Variants in MED27 observed in about 807,000 individuals in gnomAD.
MED27 encodes mediator complex subunit 27, also known as mediator of RNA polymerase II transcription subunit 27.
In MED27, 30 loss-of-function variants were observed where a neutral mutation model predicts 38.2. The observed-to-expected ratio is 0.79, with a 90% CI of 0.59 to 1.07. The LOEUF is 1.07. Ranked by LOEUF, MED27 falls within the 50% of genes least tolerant of loss-of-function variation. The pLI is 0.00. For missense variants in MED27, 289 were observed against 397.5 expected (o/e 0.73, Z 2.32); for synonymous variants, 122 against 153.5 (o/e 0.79, Z 1.52).
At chr9:131,991,513 C>G (rs1203509759) in intron 3 of MED27, among the ~76,000 whole-genome samples, 10 of 151,924 alleles carry the variant, frequency 6.6e-5, no homozygotes, top group Admixed American at 6.6e-4. Flanking sequence ...TGTAAATGAT[C>G]TGTCCTCTCA....
chr9:131,965,738 C>T lies in MED27; in HGVS notation c.480-26264G>A, dbSNP rs909483826. Among the ~76,000 whole-genome samples, 6 of 152,236 alleles carry T rather than the reference C, an allele frequency of 3.9e-5. No individual in the cohort carries two copies. In the South Asian group the frequency reaches 1.0e-3, roughly 26 times the overall value. Reference sequence around the variant, plus strand: ...GGATACCTTATGTTGCAAGGCATCACCTCACTTTTTCTTGAACAAAAAATA... The same window carrying T: ...GGATACCTTATGTTGCAAGGCATCATCTCACTTTTTCTTGAACAAAAAATA... On this transcript the variant is annotated intron_variant, in intron 3 of 7. Coordinates refer to ENST00000292035, the MANE Select transcript of MED27 (RefSeq NM_004269.4).
intron 6 of MED27, chr9:131,869,431 C>T (rs192770059): frequency 7.8e-5 from 76 of 979,700 alleles, no homozygotes; most frequent in Middle Eastern, 5.3e-4. Context: ...AATTTAAATC[C>T]ACTCTGTGGC....
At chr9:132,053,509 GTGAATAACTTAT>G (rs1833510049) in intron 2 of MED27, among the ~76,000 whole-genome samples, 1 of 152,094 alleles carries the variant, frequency 6.6e-6, no homozygotes, top group Non-Finnish European at 1.5e-5. Context: ...AAACTCTGCA[GTGAATAACTTAT>G]AGACATTACT....
chr9:132,000,994 G>C (rs1832219128), intron 3 of MED27, among the ~76,000 whole-genome samples: 1 of 152,044 alleles, frequency 6.6e-6, no homozygotes, highest in South Asian at 2.1e-4. Context: ...CAGCTACTTG[G>C]GAGGCTGAGG....
rs1239332918 is a variant in MED27 at position 131,860,112 on chromosome 9, C to T, written c.*426G>A. The T allele has an allele frequency of 1.3e-5, 2 of 157,236 alleles. No individual in the cohort carries two copies. Among genetic ancestry groups the T allele is most frequent in the Admixed American group, 1.3e-4 (2 of 15,590 alleles). The allele number at this position is 157,236 out of a possible 1,614,324, so 9.7% of individuals were successfully genotyped here. ...AACAAACAGGAGACAAAGCCTTATCCAGGATACAAAAGGTTTATTGCTTAT... is the reference window on the plus strand; with the variant it reads ...AACAAACAGGAGACAAAGCCTTATCTAGGATACAAAAGGTTTATTGCTTAT... On this transcript the variant is annotated 3_prime_UTR_variant, in exon 8 of 8. Transcript: ENST00000292035. The surrounding 1 kb of genome is among the most constrained non-coding windows in gnomAD (Gnocchi z 5.8).
At chr9:132,002,386 T>C (rs1832255564) in intron 3 of MED27, among the ~76,000 whole-genome samples, 1 of 152,126 alleles carries the variant, frequency 6.6e-6, no homozygotes. Context: ...ACAACTAGGA[T>C]AAAATCTGTT....
chr9:131,927,284 T>TA (rs1830499727), intron 4 of MED27, among the ~76,000 whole-genome samples: 1 of 152,212 alleles, frequency 6.6e-6, no homozygotes, highest in Admixed American at 6.5e-5. Flanking sequence ...TGACATTAGC[T>TA]AGGGCTTGGA....
chr9:132,027,733 A>G (rs1162198902), intron 2 of MED27, among the ~76,000 whole-genome samples: 1 of 152,366 alleles, frequency 6.6e-6, no homozygotes, highest in East Asian at 1.9e-4. Flanking sequence ...GTGAATAGTC[A>G]TACATTTTGC....
chr9:132,013,803 AC>A (rs947245454), intron 3 of MED27, among the ~76,000 whole-genome samples: 2 of 152,224 alleles, frequency 1.3e-5, no homozygotes, highest in African/African-American at 2.4e-5. Context: ...AAAGTCACAT[AC>A]AAAATATGTA....
chr9:132,000,478 T>C (rs1201720171), intron 3 of MED27, among the ~76,000 whole-genome samples: 1 of 152,142 alleles, frequency 6.6e-6, no homozygotes, highest in Non-Finnish European at 1.5e-5. Flanking sequence ...ACACCTACCA[T>C]ATGACCTAGC....
rs559494943 is a variant in MED27 at position 131,973,946 on chromosome 9, CTAG to C, written c.480-34475_480-34473del. On this transcript the variant is annotated intron_variant, in intron 3 of 7. Transcript: ENST00000292035. Reference sequence around the variant, plus strand: ...GCCGGGATGGTCTTGATCTCCTGACCTAGTGATCCACCCGCCTTGGCCTCCCAA... The same window carrying C: ...GCCGGGATGGTCTTGATCTCCTGACCTGATCCACCCGCCTTGGCCTCCCAA... Among the ~76,000 whole-genome samples the C allele has an allele frequency of 2.1e-3, 314 of 151,896 alleles. 2 individuals are homozygous for C. Among genetic ancestry groups the C allele is most frequent in the African/African-American group, 7.2e-3 (298 of 41,378 alleles).
chr9:131,928,330 C>T (rs933877845), intron 4 of MED27, among the ~76,000 whole-genome samples: 4 of 152,060 alleles, frequency 2.6e-5, no homozygotes, highest in African/African-American at 7.2e-5. Context: ...ACAGAAGCCT[C>T]CCCCGACCAT....
chr9:131,981,644 C>G (rs1336331025), intron 3 of MED27, among the ~76,000 whole-genome samples: 2 of 152,142 alleles, frequency 1.3e-5, no homozygotes, highest in Non-Finnish European at 2.9e-5. Flanking sequence ...TGTGCATCCG[C>G]AATAGCAGGA....
intron 2 of MED27, chr9:132,032,244 G>A (rs1832980198): frequency 6.6e-6 from 1 of 152,130 alleles, no homozygotes; most frequent in African/African-American, 2.4e-5. Flanking sequence ...AGACAGGCAA[G>A]GCATTTTAAG....
At chr9:131,907,777 G>A (rs183078869) in intron 4 of MED27, among the ~76,000 whole-genome samples, 3,608 of 150,374 alleles carry the variant, frequency 0.024, 56 homozygotes, top group Middle Eastern at 0.055. Flanking sequence ...ATTGAGGAGC[G>A]CCTCTTCCCG....
At position 131,912,436 on chromosome 9, in the gene MED27, G is replaced by C. The variant is rs553761851; in HGVS notation, c.574-18444C>G. 2.6e-5 allele frequency among the ~76,000 whole-genome samples: 4 copies of C among 152,276 alleles called. No individual in the cohort carries two copies. In the East Asian group the frequency reaches 7.7e-4, roughly 29 times the overall value. Reference sequence around the variant, plus strand: ...TAACTCGCTATTCAACCAGGCACTGGTAGCCTGGATCCTGGTTTTGTGGTT... The same window carrying C: ...TAACTCGCTATTCAACCAGGCACTGCTAGCCTGGATCCTGGTTTTGTGGTT... On this transcript the variant is annotated intron_variant, in intron 4 of 7. Transcript: ENST00000292035.
chr9:131,923,371 A>T (rs1476951850), intron 4 of MED27, among the ~76,000 whole-genome samples: 2 of 152,204 alleles, frequency 1.3e-5, no homozygotes, highest in Non-Finnish European at 2.9e-5. Context: ...TAGTTTCAGA[A>T]TCACTAATCC....
chr9:131,943,551 T>C (rs975453183), intron 3 of MED27, among the ~76,000 whole-genome samples: 1 of 152,198 alleles, frequency 6.6e-6, no homozygotes, highest in South Asian at 2.1e-4. Context: ...TTCCACCATA[T>C]GTTACACTCT....
chr9:131,958,581 A>G (rs913155732), intron 3 of MED27, among the ~76,000 whole-genome samples: 7 of 152,178 alleles, frequency 4.6e-5, no homozygotes, highest in African/African-American at 1.7e-4. Context: ...TGGTTAGACA[A>G]GGCAAGAGAC....
Sources: gnomAD v4.1 joint callset for allele counts (sites outside exome capture counted in the v4.1 genomes callset) on GRCh38, gnomAD v4.1.1 for gene constraint, Gnocchi (gnomAD v3.1) non-coding constraint, MANE v1.5 for transcripts, NCBI Gene and HGNC (gene_info 2026-07-23, HGNC 2026-07-21) for gene names.